RLIM: variants seen among roughly 807,000 people sequenced by gnomAD.
RLIM encodes the protein E3 ubiquitin-protein ligase RLIM.
A neutral mutation model predicts 34.0 loss-of-function variants in RLIM; 2 were observed. The observed-to-expected ratio is 0.06, with a 90% confidence interval of 0.02 to 0.19. The LOEUF is 0.19. Ranked by LOEUF, RLIM falls within the 10% of genes least tolerant of loss-of-function variation. The pLI is 1.00. For missense variants in RLIM, 286 were observed against 479.7 expected (o/e 0.60, Z 3.77); for synonymous variants, 169 against 164.0 (o/e 1.03, Z -0.23).
Position 74,589,027 on chromosome X carries a change from TG to T in RLIM, c.*2412del, listed in dbSNP as rs2079600843. The T allele has an allele frequency of 8.9e-6, 1 of 112,327 alleles. No individual in the cohort carries two copies. The highest frequency in any genetic ancestry group is 9.5e-5 in the Admixed American group (1 of 10,578). 9.3% of individuals were successfully genotyped at this position (112,327 alleles called of 1,213,427 possible). A position where few individuals can be genotyped will look rare whatever the true frequency, so the allele number is the denominator to read the frequency against. On this transcript the variant is annotated 3_prime_UTR_variant, in exon 4 of 4. Transcript: ENST00000332687. ...CACATGTCCAATATGTGCATTCCAC[TG>T]AAGGCTAAAAGCTTAAAATTCTATT...
rs1189564744 is a variant in RLIM at position 74,585,125 on chromosome X, T to C, written c.*6315A>G. The stretch of plus-strand genomic sequence containing the variant: ...GTGCACACCTACAAGTTTTTGTATA[T>C]ATACAGGGCAAGCAAGGGAGTGGTC... On this transcript the variant is annotated 3_prime_UTR_variant, in exon 4 of 4. Transcript: ENST00000332687. 3 of 112,150 alleles carry C rather than the reference T, an allele frequency of 2.7e-5. No homozygotes were observed. The highest frequency in any genetic ancestry group is 3.8e-5 in the Non-Finnish European group (2 of 53,280). The allele number at this position is 112,150 out of a possible 1,213,427, so 9.2% of individuals were successfully genotyped here.
rs982753569 is a variant in RLIM, at chrX:74,595,702, A to T, written c.169+107T>A. On this transcript the variant is annotated intron_variant, in intron 2 of 3. Transcript: ENST00000332687. Reference sequence around the variant, plus strand: ...TGTCATTCCATATCCCCTATGTTAAATAATATTTCATAAGGGCTAAAGAAA... The same window carrying T: ...TGTCATTCCATATCCCCTATGTTAATTAATATTTCATAAGGGCTAAAGAAA... 9 of 533,410 alleles carry T rather than the reference A, an allele frequency of 1.7e-5. No individual in the cohort carries two copies. In the South Asian group the frequency reaches 2.3e-4, roughly 14 times the overall value. 44.0% of individuals were successfully genotyped at this position (533,410 alleles called of 1,213,427 possible). A position where few individuals can be genotyped will look rare whatever the true frequency, so the allele number is the denominator to read the frequency against.
rs1602161588 is a variant in RLIM, at chrX:74,591,786, C to T, written c.1529G>A (p.Arg510Gln). The change falls in exon 4 of 4, where the codon CGA becomes CAA. Residue 510 changes from arginine to glutamine, a missense_variant. Physicochemically the swap from Arg to Gln is conservative, Grantham distance 43. Coordinates refer to ENST00000332687, the MANE Select transcript of RLIM (RefSeq NM_016120.4). ...SSSSGSSGAR[R>Q]EGRHRAPVTF... ...GACTGGGGCCCTATGTCGACCCTCT[C>T]GCCTGGCACCTGATGAGCCTGATGA... The T allele has an allele frequency of 1.7e-6, 2 of 1,211,365 alleles. No individual in the cohort carries two copies. Among genetic ancestry groups the T allele is most frequent in the Non-Finnish European group, 2.2e-6 (2 of 895,402 alleles).
In RLIM at chrX:74,592,514, G is replaced by A; in HGVS notation, c.801C>T (p.His267=). Reference sequence around the variant, plus strand: ...ATATTTGCTGCCTCAATGTCACATGGTGCCGGGTTCTAGAACTTCCCTCCG... The same window carrying A: ...ATATTTGCTGCCTCAATGTCACATGATGCCGGGTTCTAGAACTTCCCTCCG... ...NETEGSSRTR[H]HVTLRQQISG... The change falls in exon 4 of 4, where the codon CAC becomes CAT. Residue 267 remains histidine, a synonymous_variant. Coordinates refer to ENST00000332687, the MANE Select transcript of RLIM (RefSeq NM_016120.4). 1 of 1,211,827 alleles carries A rather than the reference G, an allele frequency of 8.3e-7. No individual in the cohort carries two copies. The highest frequency in any genetic ancestry group is 1.7e-5 in the African/African-American group (1 of 57,855).
At chrX:74,595,772 C>T (rs762800546) in intron 2 of RLIM, 37 bp downstream of exon 2, 2 of 1,064,750 alleles carry the variant, frequency 1.9e-6, no homozygotes, top group East Asian at 3.1e-5. Context: ...AAACCAGCAA[C>T]TTACACTTAT....
intron 1 of RLIM, among the ~76,000 whole-genome samples, chrX:74,598,561 G>A (rs1250263889): frequency 1.8e-5 from 2 of 110,548 alleles, no homozygotes; most frequent in African/African-American, 3.3e-5. Flanking sequence ...GGCGGATCAC[G>A]AGGTCAGGAG....
In RLIM at chrX:74,592,445, T is replaced by C. The variant is rs770510066; in HGVS notation, c.870A>G (p.Gly290=). Reference sequence around the variant, plus strand: ...CTGCTCCTTGAGAAGCATTTCTTGTTCCAGAAGCTGCAAAAAGACCTCTAC... The same window carrying C: ...CTGCTCCTTGAGAAGCATTTCTTGTCCCAGAAGCTGCAAAAAGACCTCTAC... The part of the protein sequence containing the change: ...LLSRGLFAAS[G]TRNASQGAGS... Residue 290 remains glycine (G), a synonymous_variant, in exon 4 of 4, where the codon GGA becomes GGG. Transcript: ENST00000332687. 1.4e-5 allele frequency: 17 copies of C among 1,210,274 alleles called. No homozygotes were observed. The highest frequency in any genetic ancestry group is 1.7e-5 in the African/African-American group (1 of 57,233).
At chrX:74,608,043 CT>C (rs747660372) in intron 1 of RLIM, among the ~76,000 whole-genome samples, 1 of 111,632 alleles carries the variant, frequency 9.0e-6, no homozygotes, top group African/African-American at 3.3e-5. Context: ...AACCAGGTAT[CT>C]TTTTTTATTC....
rs973849585 is a variant in RLIM at position 74,583,560 on chromosome X, T to A, written c.*7880A>T. 9.3e-5 allele frequency: 46 copies of A among 494,104 alleles called. No individual in the cohort carries two copies. The Admixed American group carries it at 1.3e-3, about 14-fold the overall frequency. The allele number at this position is 494,104 out of a possible 1,213,427, so 40.7% of individuals were successfully genotyped here. On this transcript the variant is annotated 3_prime_UTR_variant, in exon 4 of 4. Coordinates refer to ENST00000332687, the MANE Select transcript of RLIM (RefSeq NM_016120.4). ...TGTTGATGAATTCACCAAATTTTTATTCCAGTCTATTTTGAGACTTCTGGA... is the reference window on the plus strand; with the variant it reads ...TGTTGATGAATTCACCAAATTTTTAATCCAGTCTATTTTGAGACTTCTGGA...
chrX:74,599,530 A>G (rs1001584327), intron 1 of RLIM, among the ~76,000 whole-genome samples: 1 of 111,614 alleles, frequency 9.0e-6, no homozygotes, highest in Non-Finnish European at 1.9e-5. Context: ...ATTAGGAGGT[A>G]GGGCCTTTGG....
chrX:74,610,648 T>C (rs2079705813), intron 1 of RLIM, among the ~76,000 whole-genome samples: 1 of 110,291 alleles, frequency 9.1e-6, no homozygotes, highest in African/African-American at 3.3e-5. Context: ...TCCCAGCACT[T>C]TGGGAGGCCA....
rs752076411 is a variant in RLIM, at chrX:74,593,211, T to C, written c.254-150A>G. 244 of 569,975 alleles carry C rather than the reference T, an allele frequency of 4.3e-4. No individual in the cohort carries two copies. The African/African-American group carries it at 5.0e-3, about 12-fold the overall frequency. The allele number at this position is 569,975 out of a possible 1,213,427, so 47.0% of individuals were successfully genotyped here. On this transcript the variant is annotated intron_variant, in intron 3 of 3. Transcript: ENST00000332687. ...ATTTTTACAAACTATACTGCATAAA[T>C]TTATAAGGTAAGAAAATTCTAATTC...
chrX:74,608,923 G>A (rs894324998), intron 1 of RLIM, among the ~76,000 whole-genome samples: 46 of 111,647 alleles, frequency 4.1e-4, no homozygotes, highest in African/African-American at 1.3e-3. Context: ...TCAATTACCC[G>A]TTTTATGTTC....
At chrX:74,608,826 T>C (rs1305259687) in intron 1 of RLIM, among the ~76,000 whole-genome samples, 3 of 112,402 alleles carry the variant, frequency 2.7e-5, no homozygotes, top group African/African-American at 9.7e-5. Flanking sequence ...ATGCGGTTGA[T>C]CTACAGGATC....
chrX:74,607,972 TCATA>T (rs1404872963), intron 1 of RLIM, among the ~76,000 whole-genome samples: 5 of 112,711 alleles, frequency 4.4e-5, no homozygotes, highest in African/African-American at 1.6e-4. Context: ...TGGGGATTCT[TCATA>T]TATAGAATGT....
At chrX:74,593,283 G>T (rs1025795895) in intron 3 of RLIM, among the ~76,000 whole-genome samples, 1 of 112,358 alleles carries the variant, frequency 8.9e-6, no homozygotes, top group Non-Finnish European at 1.9e-5. Flanking sequence ...AGAATTATTT[G>T]ATTTTTAAAG....
chrX:74,614,042 G>A (rs1208971794), intron 1 of RLIM, among the ~76,000 whole-genome samples: 1 of 109,509 alleles, frequency 9.1e-6, no homozygotes, highest in Non-Finnish European at 1.9e-5. Context: ...GGGAGGTCAG[G>A]GAAGCCTCCA....
Position 74,594,364 on chromosome X carries a change from C to T in RLIM, c.195G>A (p.Leu65=), listed in dbSNP as rs2079629966. Residue 65 remains leucine, a synonymous_variant, in exon 3 of 4, where the codon CTG becomes CTA. Coordinates refer to ENST00000332687, the MANE Select transcript of RLIM (RefSeq NM_016120.4). ...CTTCTTTAATTTGCTGTAGTCGTCT[C>T]AGCAACTCTTCCTCAGTACTTTCAC... ...TPGESTEEEL[L]RRLQQIKEGP... The T allele has an allele frequency of 8.3e-7, 1 of 1,206,437 alleles. No individual in the cohort carries two copies. Among genetic ancestry groups the T allele is most frequent in the Non-Finnish European group, 1.1e-6 (1 of 892,825 alleles).
chrX:74,610,918 A>C (rs2079708057), intron 1 of RLIM, among the ~76,000 whole-genome samples: 1 of 111,434 alleles, frequency 9.0e-6, no homozygotes, highest in Non-Finnish European at 1.9e-5. Context: ...AAAATAAATA[A>C]ATAAAAATAC....
Sources: allele counts gnomAD v4.1 joint callset (sites outside exome capture counted in the v4.1 genomes callset), GRCh38; gene constraint gnomAD v4.1.1; transcripts MANE v1.5; gene names NCBI Gene and HGNC (gene_info 2026-07-23, HGNC 2026-07-21).